LAPTM4B: variants seen among roughly 807,000 people sequenced by gnomAD.
The protein encoded by LAPTM4B is lysosomal-associated transmembrane protein 4B.
LAPTM4B carries 26 observed loss-of-function variants against 28.5 expected under a neutral mutation model. That is an observed-to-expected ratio of 0.91 (90% CI 0.67 to 1.27). LAPTM4B has a LOEUF of 1.27. Ranked by LOEUF, LAPTM4B falls within the 50% of genes most tolerant of loss-of-function variation. The pLI is 0.00. For missense variants in LAPTM4B, 288 were observed against 285.8 expected (o/e 1.01, Z -0.06); for synonymous variants, 109 against 106.4 (o/e 1.02, Z -0.15).
At chr8:97,798,525 G>A (rs752332481) in intron 1 of LAPTM4B, among the ~76,000 whole-genome samples, 1 of 152,046 alleles carries the variant, frequency 6.6e-6, no homozygotes, top group Non-Finnish European at 1.5e-5. Flanking sequence ...GGACGGCCTC[G>A]CGAAGAACCA....
chr8:97,843,444 C>A (rs1413319879), intron 6 of LAPTM4B, among the ~76,000 whole-genome samples: 1 of 152,098 alleles, frequency 6.6e-6, no homozygotes, highest in Non-Finnish European at 1.5e-5. Flanking sequence ...ACAACAAAAA[C>A]CCAAAACTTA....
intron 1 of LAPTM4B, among the ~76,000 whole-genome samples, chr8:97,799,859 C>T (rs1300210581): frequency 1.3e-5 from 2 of 152,180 alleles, no homozygotes; most frequent in Non-Finnish European, 2.9e-5. Flanking sequence ...GTTCCAGCCA[C>T]ATTGAACTTG....
At chr8:97,813,553 A>G (rs1040244723) in intron 2 of LAPTM4B, among the ~76,000 whole-genome samples, 1 of 152,230 alleles carries the variant, frequency 6.6e-6, no homozygotes, top group Non-Finnish European at 1.5e-5. Context: ...CAGTCCAGTC[A>G]AGTTGACACT....
intron 6 of LAPTM4B, among the ~76,000 whole-genome samples, chr8:97,832,680 T>TATTTC (rs199693393): frequency 1.3e-5 from 1 of 77,034 alleles, no homozygotes; most frequent in African/African-American, 4.1e-5. Context: ...TATTTATTTT[T>TATTTC]ATTTTATTTT....
intron 1 of LAPTM4B, among the ~76,000 whole-genome samples, chr8:97,792,564 ATTTT>A (rs139511450): frequency 1.3e-5 from 2 of 150,160 alleles, no homozygotes; most frequent in Admixed American, 6.7e-5. Context: ...CTAACAGTCA[ATTTT>A]TTTTTTATTT....
At chr8:97,811,216 T>C (rs1181694713) in intron 2 of LAPTM4B, among the ~76,000 whole-genome samples, 1 of 152,160 alleles carries the variant, frequency 6.6e-6, no homozygotes, top group African/African-American at 2.4e-5. Context: ...ACATCTACCC[T>C]ATGGCCCTGC....
intron 1 of LAPTM4B, among the ~76,000 whole-genome samples, chr8:97,777,442 G>A (rs999048782): frequency 6.6e-6 from 1 of 151,952 alleles, no homozygotes; most frequent in Non-Finnish European, 1.5e-5. Context: ...GAGCCACCGC[G>A]CCCGGCCGAG....
At chr8:97,799,934 C>T (rs1816645563) in intron 1 of LAPTM4B, among the ~76,000 whole-genome samples, 1 of 152,144 alleles carries the variant, frequency 6.6e-6, no homozygotes, top group African/African-American at 2.4e-5. Context: ...CTTTTCCACA[C>T]CTCTCAGGCT....
intron 2 of LAPTM4B, among the ~76,000 whole-genome samples, chr8:97,811,551 A>G (rs1192615722): frequency 2.0e-5 from 3 of 152,174 alleles, no homozygotes; most frequent in Admixed American, 1.3e-4. Context: ...ACAGCAACAA[A>G]AAAGAATGAT....
chr8:97,843,427 CA>C (rs1270916292), intron 6 of LAPTM4B, among the ~76,000 whole-genome samples: 1 of 152,126 alleles, frequency 6.6e-6, no homozygotes, highest in Non-Finnish European at 1.5e-5. Context: ...AAAAACAAAA[CA>C]ACACAACAAC....
intron 1 of LAPTM4B, among the ~76,000 whole-genome samples, chr8:97,791,067 A>G (rs2129740826): frequency 6.6e-6 from 1 of 152,156 alleles, no homozygotes; most frequent in South Asian, 2.1e-4. Flanking sequence ...ACACCCAGCT[A>G]TTTTTACAAA....
At chr8:97,846,696 A>G (rs1817438934) in intron 6 of LAPTM4B, among the ~76,000 whole-genome samples, 1 of 152,100 alleles carries the variant, frequency 6.6e-6, no homozygotes, top group Non-Finnish European at 1.5e-5. Flanking sequence ...TTATTATTTG[A>G]TGGAGTGCAT....
Position 97,776,072 on chromosome 8 carries a change from C to T in LAPTM4B, c.63C>T (p.Val21=). 1 of 1,589,516 alleles carries T rather than the reference C, an allele frequency of 6.3e-7. No individual in the cohort carries two copies. Among genetic ancestry groups the T allele is most frequent in the Non-Finnish European group, 8.5e-7 (1 of 1,172,550 alleles). Residue 21 remains valine, a synonymous_variant, in exon 1 of 7, where the codon GTC becomes GTT. Transcript: ENST00000521545. ...ACAGCTGCTGCTTGTGCTGCCATGTCCGCACCGGCACCATCCTGCTCGGCG... is the reference window on the plus strand; with the variant it reads ...ACAGCTGCTGCTTGTGCTGCCATGTTCGCACCGGCACCATCCTGCTCGGCG... The part of the protein sequence containing the change: ...YSNSCCLCCH[V]RTGTILLGVW...
Position 97,825,173 on chromosome 8 carries a change from T to C in LAPTM4B, c.603+20T>C. 3 of 1,296,442 alleles carry C rather than the reference T, an allele frequency of 2.3e-6. No homozygotes were observed. Among genetic ancestry groups the C allele is most frequent in the South Asian group, 1.2e-5 (1 of 83,764 alleles). 80.3% of individuals were successfully genotyped at this position (1,296,442 alleles called of 1,614,324 possible). On this transcript the variant is annotated intron_variant, in intron 6 of 6. Coordinates refer to ENST00000521545, the MANE Select transcript of LAPTM4B (RefSeq NM_018407.6). ...ACTACGGTAGGTATGATGTCACTTA[T>C]GGTAGAGATCTCGCCCACACCTTTA...
intron 1 of LAPTM4B, among the ~76,000 whole-genome samples, chr8:97,786,099 G>A (rs577131438): frequency 6.6e-6 from 1 of 152,188 alleles, no homozygotes; most frequent in Non-Finnish European, 1.5e-5. Context: ...AGGAATGCTA[G>A]TGGAAATAAT....
chr8:97,787,990 T>C (rs1418389507), intron 1 of LAPTM4B, among the ~76,000 whole-genome samples: 1 of 152,116 alleles, frequency 6.6e-6, no homozygotes, highest in Non-Finnish European at 1.5e-5. Context: ...CCTGCCAACA[T>C]GCCCAGCTAA....
intron 6 of LAPTM4B, among the ~76,000 whole-genome samples, chr8:97,844,762 T>C (rs1464476042): frequency 6.6e-6 from 1 of 152,140 alleles, no homozygotes; most frequent in Non-Finnish European, 1.5e-5. Context: ...CAGAAGCTCA[T>C]AGGTAAAAGC....
chr8:97,827,127 A>C (rs1161548535), intron 6 of LAPTM4B, among the ~76,000 whole-genome samples: 6 of 152,190 alleles, frequency 3.9e-5, no homozygotes, highest in African/African-American at 1.4e-4. Context: ...GAGGCGATAC[A>C]TAGGTTTTCA....
At chr8:97,796,182 C>A (rs2129750905) in intron 1 of LAPTM4B, among the ~76,000 whole-genome samples, 1 of 152,328 alleles carries the variant, frequency 6.6e-6, no homozygotes, top group South Asian at 2.1e-4. Flanking sequence ...CTCAAGTGAT[C>A]TACCTGCCTC....
Sources: allele counts gnomAD v4.1 joint callset (sites outside exome capture counted in the v4.1 genomes callset), GRCh38; gene constraint gnomAD v4.1.1; transcripts MANE v1.5; gene names NCBI Gene and HGNC (gene_info 2026-07-23, HGNC 2026-07-21).